The following ADAMTS19 variants were observed in gnomAD, a reference collection of about 807,000 sequenced individuals.
ADAMTS19 encodes A disintegrin and metalloproteinase with thrombospondin motifs 19.
A neutral mutation model predicts 153.3 loss-of-function variants in ADAMTS19; 93 were observed. That is an observed-to-expected ratio of 0.61 (90% CI 0.51 to 0.72). ADAMTS19 has a LOEUF of 0.72. Ranked by LOEUF, ADAMTS19 falls within the 30% of genes least tolerant of loss-of-function variation. The pLI, the probability that ADAMTS19 is intolerant of heterozygous loss-of-function variation, is 0.00. For synonymous variants in ADAMTS19, 600 were observed against 556.6 expected (o/e 1.08, Z -1.10); for missense variants, 1,482 against 1,552.1 (o/e 0.95, Z 0.76).
At chr5:129,648,774 G>T in intron 12 of ADAMTS19, 24 bp from the exon 13 acceptor site, 2 of 1,602,606 alleles carry the variant, frequency 1.2e-6, no homozygotes, top group Non-Finnish European at 1.7e-6. Flanking sequence ...ACATAAAATT[G>T]ATTATTTGTA....
rs1322246264 is a variant in ADAMTS19, at chr5:129,660,229, T to TA, written c.2425+1498dup. ...ATCAAACTCTTAGTCTTCAAAGTGG[T>TA]AAAAAAGGTGATAGGTCCCACACAT... On this transcript the variant is annotated intron_variant, in intron 15 of 22. Transcript: ENST00000274487. Among the ~76,000 whole-genome samples the TA allele has an allele frequency of 6.6e-5, 10 of 152,122 alleles. No individual in the cohort carries two copies. In the South Asian group the frequency reaches 2.1e-3, roughly 32 times the overall value.
chr5:129,615,205 C>G (rs2126964731), intron 8 of ADAMTS19, among the ~76,000 whole-genome samples: 1 of 151,944 alleles, frequency 6.6e-6, no homozygotes, highest in Admixed American at 6.6e-5. Context: ...TCATATGGAA[C>G]CAAAAAAGAG....
At chr5:129,577,249 G>A (rs1406786535) in intron 7 of ADAMTS19, among the ~76,000 whole-genome samples, 2 of 152,036 alleles carry the variant, frequency 1.3e-5, no homozygotes, top group African/African-American at 4.8e-5. Context: ...AACATACCTG[G>A]ACTCATAATT....
intron 16 of ADAMTS19, among the ~76,000 whole-genome samples, chr5:129,672,573 T>C (rs530754935): frequency 6.6e-6 from 1 of 152,088 alleles, no homozygotes; most frequent in Non-Finnish European, 1.5e-5. Flanking sequence ...TCTAAAGAAC[T>C]ACAACTTCAT....
intron 19 of ADAMTS19, among the ~76,000 whole-genome samples, chr5:129,700,066 C>T (rs1444507119): frequency 6.6e-6 from 1 of 152,066 alleles, no homozygotes; most frequent in Non-Finnish European, 1.5e-5. Context: ...GAAGATTGCC[C>T]AAGTAATGAG....
chr5:129,544,448 C>G (rs1752780173), intron 6 of ADAMTS19, among the ~76,000 whole-genome samples: 1 of 152,136 alleles, frequency 6.6e-6, no homozygotes, highest in Non-Finnish European at 1.5e-5. Context: ...TATCATTTTA[C>G]TGCACTTCAT....
chr5:129,553,859 C>G (rs1753220914), intron 7 of ADAMTS19, among the ~76,000 whole-genome samples: 1 of 152,156 alleles, frequency 6.6e-6, no homozygotes, highest in Non-Finnish European at 1.5e-5. Context: ...GTCACACTAC[C>G]TATGCCTATG....
intron 16 of ADAMTS19, among the ~76,000 whole-genome samples, chr5:129,676,108 T>C (rs948404391): frequency 1.3e-5 from 2 of 152,166 alleles, no homozygotes; most frequent in African/African-American, 4.8e-5. Flanking sequence ...GGACCTCTTT[T>C]TATTGGCTGA....
chr5:129,498,798 ATTTT>A (rs10637813), intron 2 of ADAMTS19, among the ~76,000 whole-genome samples: 1 of 134,166 alleles, frequency 7.5e-6, no homozygotes, highest in African/African-American at 2.7e-5. Context: ...CATTCACTCT[ATTTT>A]TTTTTTTTTT....
At chr5:129,625,081 T>C (rs1751965400) in intron 10 of ADAMTS19, among the ~76,000 whole-genome samples, 1 of 147,566 alleles carries the variant, frequency 6.8e-6, no homozygotes, top group African/African-American at 2.5e-5. Flanking sequence ...AGTGAGAACA[T>C]GGGTTGTTTG....
chr5:129,620,566 A>T, intron 8 of ADAMTS19, 52 bp from the exon 9 acceptor site: 3 of 1,308,504 alleles, frequency 2.3e-6, no homozygotes, highest in Non-Finnish European at 3.0e-6. Flanking sequence ...AAAAGTTAAC[A>T]AGTAACATTT....
chr5:129,538,769 T>C (rs1054940580), intron 6 of ADAMTS19, among the ~76,000 whole-genome samples: 2 of 152,144 alleles, frequency 1.3e-5, no homozygotes, highest in Non-Finnish European at 2.9e-5. Flanking sequence ...CAATTGCTTA[T>C]TTTTGTATAC....
intron 2 of ADAMTS19, among the ~76,000 whole-genome samples, chr5:129,494,761 T>C (rs1750872362): frequency 6.6e-6 from 1 of 152,210 alleles, no homozygotes; most frequent in Non-Finnish European, 1.5e-5. Context: ...GCCAAAATTA[T>C]ATTGTGATCC....
intron 11 of ADAMTS19, among the ~76,000 whole-genome samples, chr5:129,644,244 C>T (rs1752955434): frequency 6.6e-6 from 1 of 152,158 alleles, no homozygotes. Context: ...TCTCAGTTTT[C>T]CAGGCCATGT....
intron 7 of ADAMTS19, among the ~76,000 whole-genome samples, chr5:129,585,895 G>A (rs75772994): frequency 0.028 from 4,275 of 152,090 alleles, 200 homozygotes; most frequent in African/African-American, 0.097. Flanking sequence ...TTTTTCTCCT[G>A]GGCACTTTTA....
At chr5:129,556,830 C>A (rs960566950) in intron 7 of ADAMTS19, among the ~76,000 whole-genome samples, 1 of 152,176 alleles carries the variant, frequency 6.6e-6, no homozygotes, top group Non-Finnish European at 1.5e-5. Context: ...GAAATAGAAT[C>A]TTCCCTAGAG....
intron 2 of ADAMTS19, among the ~76,000 whole-genome samples, chr5:129,482,961 A>C (rs80346252): frequency 9.5e-4 from 144 of 152,264 alleles, no homozygotes; most frequent in Non-Finnish European, 1.6e-3. Flanking sequence ...TTCACATACA[A>C]AATTTTGCTC....
At position 129,498,813 on chromosome 5, in the gene ADAMTS19, T is replaced by TG. The variant is rs1554087165; in HGVS notation, c.748-10263dup. Among the ~76,000 whole-genome samples the TG allele has an allele frequency of 5.1e-3, 755 of 149,150 alleles. 5 individuals carry two copies. Among genetic ancestry groups the TG allele is most frequent in the African/African-American group, 8.1e-3 (324 of 40,132 alleles). On this transcript the variant is annotated intron_variant, in intron 2 of 22. Coordinates refer to ENST00000274487, the MANE Select transcript of ADAMTS19 (RefSeq NM_133638.6). ...CATTCACTCTATTTTTTTTTTTTTT[T>TG]GATCTTTCTTTGTTTCTTTAATACT...
intron 7 of ADAMTS19, among the ~76,000 whole-genome samples, chr5:129,579,397 A>C (rs2126882012): frequency 6.6e-6 from 1 of 152,076 alleles, no homozygotes; most frequent in East Asian, 1.9e-4. Context: ...TTGCCTGTTC[A>C]CTCTGATGGT....
Sources: allele counts gnomAD v4.1 joint callset (sites outside exome capture counted in the v4.1 genomes callset), GRCh38; gene constraint gnomAD v4.1.1; transcripts MANE v1.5; gene names NCBI Gene and HGNC (gene_info 2026-07-23, HGNC 2026-07-21).